Variants in DLG2 observed in about 807,000 individuals in gnomAD.
DLG2 encodes the protein discs large MAGUK scaffold protein 2.
DLG2 carries 45 observed loss-of-function variants against 132.5 expected under a neutral mutation model. The ratio of observed to expected loss-of-function variants is 0.34; its 90% confidence interval spans 0.27 to 0.44. The LOEUF (loss-of-function observed/expected upper bound fraction) is 0.44. Ranked by LOEUF, DLG2 falls within the 20% of genes least tolerant of loss-of-function variation. The probability of loss-of-function intolerance (pLI) is 1.00; values close to 1 mark genes in which losing one functional copy is unlikely to be tolerated. For synonymous variants in DLG2, 424 were observed against 419.6 expected (o/e 1.01, Z -0.13); for missense variants, 1,045 against 1,196.9 (o/e 0.87, Z 1.87).
rs1200055462 is a variant in DLG2, at chr11:83,794,452, T to G, written c.1723-7660A>C. 6.9e-4 allele frequency among the ~76,000 whole-genome samples: 103 copies of G among 149,500 alleles called. 1 individual carries two copies. The highest frequency in any genetic ancestry group is 1.5e-3 in the South Asian group (7 of 4,700). On this transcript the variant is annotated intron_variant, in intron 17 of 27. Coordinates refer to ENST00000376104, the MANE Select transcript of DLG2 (RefSeq NM_001142699.3). Reference sequence around the variant, plus strand: ...TTTACTATTGGTTTTTTTTTTTTTTTTTTTTTTTTTTGCTTCAGTTTGAAC... The same window carrying G: ...TTTACTATTGGTTTTTTTTTTTTTTGTTTTTTTTTTTGCTTCAGTTTGAAC...
intron 6 of DLG2, chr11:84,997,851 G>C (rs2057809661): frequency 6.6e-6 from 1 of 152,104 alleles, no homozygotes; most frequent in East Asian, 1.9e-4. Context: ...AGTTCTGTGA[G>C]ACATGGTCAG....
At chr11:83,462,678 TAGAAG>T (rs1042803618) in intron 26 of DLG2, among the ~76,000 whole-genome samples, 1 of 152,152 alleles carries the variant, frequency 6.6e-6, no homozygotes, top group Non-Finnish European at 1.5e-5. Flanking sequence ...TCAAAATAGC[TAGAAG>T]AGAAGAACTG....
intron 18 of DLG2, among the ~76,000 whole-genome samples, chr11:83,783,972 A>T (rs1234602807): frequency 1.3e-5 from 2 of 152,202 alleles, no homozygotes; most frequent in East Asian, 3.8e-4. Flanking sequence ...CTTGAAGACA[A>T]AGACTATGCT....
intron 3 of DLG2, among the ~76,000 whole-genome samples, chr11:85,492,386 A>C (rs532555322): frequency 6.6e-6 from 1 of 152,260 alleles, no homozygotes; most frequent in South Asian, 2.1e-4. Flanking sequence ...ATATAACTAC[A>C]AAAAACAAAC....
intron 6 of DLG2, among the ~76,000 whole-genome samples, chr11:84,783,273 T>A (rs1026968016): frequency 6.6e-6 from 1 of 152,194 alleles, no homozygotes; most frequent in South Asian, 2.1e-4. Context: ...ACTTATCCTA[T>A]CACGGCCTTA....
At chr11:85,234,554 G>A (rs1039535187) in intron 4 of DLG2, among the ~76,000 whole-genome samples, 1 of 152,010 alleles carries the variant, frequency 6.6e-6, no homozygotes, top group African/African-American at 2.4e-5. Context: ...AATTTGAGTA[G>A]ACAATTAAAT....
At chr11:84,515,548 A>C (rs775540594) in intron 7 of DLG2, among the ~76,000 whole-genome samples, 17 of 152,052 alleles carry the variant, frequency 1.1e-4, no homozygotes, top group Non-Finnish European at 2.5e-4. Flanking sequence ...ACAATTATAA[A>C]TACATATTCA....
chr11:84,472,979 C>T (rs555355718), intron 7 of DLG2, among the ~76,000 whole-genome samples: 1 of 152,078 alleles, frequency 6.6e-6, no homozygotes, highest in South Asian at 2.1e-4. Context: ...TTCAAGTAAG[C>T]CAGAAAAATT....
At chr11:84,373,467 G>A (rs2098717261) in intron 7 of DLG2, among the ~76,000 whole-genome samples, 1 of 151,930 alleles carries the variant, frequency 6.6e-6, no homozygotes, top group Non-Finnish European at 1.5e-5. Context: ...CTACTCAGGA[G>A]GCTGACGCAG....
chr11:84,058,504 T>TAAAATATTA (rs372631929), intron 11 of DLG2, among the ~76,000 whole-genome samples: 1 of 122,982 alleles, frequency 8.1e-6, no homozygotes, highest in Non-Finnish European at 1.6e-5. Flanking sequence ...AAAAAACAAA[T>TAAAATATTA]ACAATAATAA....
chr11:83,553,899 C>CTTTTTTTTTTTTTT (rs754561291), intron 19 of DLG2, among the ~76,000 whole-genome samples: 2 of 111,204 alleles, frequency 1.8e-5, no homozygotes, highest in African/African-American at 3.7e-5. Context: ...CTTTTTTTTT[C>CTTTTTTTTTTTTTT]TTTTTTTTTT....
At chr11:83,984,518 T>C (rs2093088273) in intron 11 of DLG2, among the ~76,000 whole-genome samples, 1 of 152,158 alleles carries the variant, frequency 6.6e-6, no homozygotes, top group Non-Finnish European at 1.5e-5. Flanking sequence ...AGAATTTATG[T>C]TTATTTACAG....
intron 6 of DLG2, among the ~76,000 whole-genome samples, chr11:85,043,946 A>G (rs1407100870): frequency 6.6e-6 from 1 of 151,950 alleles, no homozygotes; most frequent in Non-Finnish European, 1.5e-5. Flanking sequence ...TCTCAAATTC[A>G]AAGTTCAATA....
At chr11:83,754,025 C>G (rs889457034) in intron 18 of DLG2, among the ~76,000 whole-genome samples, 2 of 149,272 alleles carry the variant, frequency 1.3e-5, no homozygotes, top group Non-Finnish European at 2.9e-5. Flanking sequence ...GCCTCTGCCC[C>G]ATCCCCAATT....
At chr11:85,163,583 C>T (rs185674808) in intron 4 of DLG2, among the ~76,000 whole-genome samples, 102 of 152,110 alleles carry the variant, frequency 6.7e-4, no homozygotes, top group Non-Finnish European at 6.6e-4. Flanking sequence ...ATAGTGTGGG[C>T]TTGAAAGGCA....
intron 14 of DLG2, among the ~76,000 whole-genome samples, chr11:83,939,535 T>G (rs1480185278): frequency 6.6e-6 from 1 of 152,184 alleles, no homozygotes; most frequent in Non-Finnish European, 1.5e-5. Context: ...AAGCTTAATA[T>G]CACCTACAAT....
At chr11:83,753,869 ATATATG>A (rs2093513064) in intron 18 of DLG2, among the ~76,000 whole-genome samples, 1 of 88,464 alleles carries the variant, frequency 1.1e-5, no homozygotes, top group Non-Finnish European at 1.9e-5. Context: ...TATATTTCAT[ATATATG>A]ATATATATCA....
intron 22 of DLG2, among the ~76,000 whole-genome samples, chr11:83,481,258 G>T (rs2093078664): frequency 6.6e-6 from 1 of 151,958 alleles, no homozygotes; most frequent in Non-Finnish European, 1.5e-5. Context: ...GGGATGTGTT[G>T]GTTATATGCC....
intron 3 of DLG2, among the ~76,000 whole-genome samples, chr11:85,440,351 G>A (rs985549156): frequency 1.3e-5 from 2 of 152,164 alleles, no homozygotes; most frequent in Non-Finnish European, 2.9e-5. Flanking sequence ...TATTTAAGAT[G>A]TTTGGTACAT....
Sources: allele counts gnomAD v4.1 joint callset (sites outside exome capture counted in the v4.1 genomes callset), GRCh38; gene constraint gnomAD v4.1.1; transcripts MANE v1.5; gene names NCBI Gene and HGNC (gene_info 2026-07-23, HGNC 2026-07-21).